The following PRKCE variants were observed in gnomAD, a reference collection of about 807,000 sequenced individuals.
PRKCE encodes the protein protein kinase C epsilon type.
Under a neutral mutation model 85.4 loss-of-function variants are expected in PRKCE, and 16 were observed. That is an observed-to-expected ratio of 0.19 (90% CI 0.13 to 0.28). PRKCE has a LOEUF of 0.28. Among genes scored for constraint, PRKCE ranks in the 10% least tolerant of loss-of-function variants. The pLI is 1.00. For synonymous variants in PRKCE, 388 were observed against 371.5 expected, an observed-to-expected ratio of 1.04 and a Z score of -0.51; for missense variants, 573 against 975.2, an observed-to-expected ratio of 0.59 and a Z score of 5.49.
At chr2:46,089,661 G>A (rs778099137) in intron 11 of PRKCE, among the ~76,000 whole-genome samples, 19 of 152,112 alleles carry the variant, frequency 1.2e-4, no homozygotes, top group Non-Finnish European at 1.8e-4. Context: ...GGCACAGGCC[G>A]CGGGTTGGGG....
At chr2:45,693,765 G>C (rs1042843421) in intron 1 of PRKCE, among the ~76,000 whole-genome samples, 2 of 152,134 alleles carry the variant, frequency 1.3e-5, no homozygotes, top group Admixed American at 1.3e-4. Context: ...GGTTTGGCAA[G>C]GAGAAGTGAG....
At position 46,159,773 on chromosome 2, in the gene PRKCE, G is replaced by A. The variant is rs1677572840; in HGVS notation, c.2067+21G>A. ...GCATTGTAAGTTGGTCCCCGTGCAC[G>A]TTCAGCACCATGGGTCGGGCCCAGG... On this transcript the variant is annotated intron_variant, in intron 14 of 14. Transcript: ENST00000306156. This position sits in a 1 kb window ranked among gnomAD's most constrained non-coding sequence, Gnocchi z 4.1. The A allele has an allele frequency of 1.9e-6, 3 of 1,598,148 alleles. No individual in the cohort carries two copies. Among genetic ancestry groups the A allele is most frequent in the Middle Eastern group, 1.7e-4 (1 of 6,052 alleles).
chr2:45,908,085 A>G (rs1374159528), intron 2 of PRKCE, among the ~76,000 whole-genome samples: 3 of 152,152 alleles, frequency 2.0e-5, no homozygotes, highest in African/African-American at 7.2e-5. Flanking sequence ...ATGGGCAGGA[A>G]TGGAAGTCAA....
At chr2:45,750,506 G>A (rs370088107) in intron 1 of PRKCE, among the ~76,000 whole-genome samples, 1 of 152,186 alleles carries the variant, frequency 6.6e-6, no homozygotes, top group African/African-American at 2.4e-5. Context: ...GTCCCAAGGT[G>A]GGTATTGGTT....
chr2:45,678,061 G>A (rs1321991545), intron 1 of PRKCE: 1 of 210,834 alleles, frequency 4.7e-6, no homozygotes, highest in African/African-American at 2.4e-5. Context: ...GGAAAACTTT[G>A]TGGTCACATG....
intron 11 of PRKCE, among the ~76,000 whole-genome samples, chr2:46,094,314 C>T (rs182623808): frequency 1.0e-3 from 159 of 152,272 alleles, no homozygotes; most frequent in African/African-American, 3.8e-3. Flanking sequence ...GGTGAAGCAC[C>T]TTTAGTAGAT....
At chr2:45,680,863 A>G (rs1454009543) in intron 1 of PRKCE, among the ~76,000 whole-genome samples, 1 of 152,242 alleles carries the variant, frequency 6.6e-6, no homozygotes, top group Non-Finnish European at 1.5e-5. Flanking sequence ...AAGTTCTTAT[A>G]CAGGATATTT....
chr2:45,746,759 T>G lies in PRKCE; in HGVS notation c.348+94311T>G, dbSNP rs568864359. Among the ~76,000 whole-genome samples, 4 of 152,340 alleles carry G rather than the reference T, an allele frequency of 2.6e-5. No individual in the cohort carries two copies. The East Asian group carries it at 7.7e-4, about 29-fold the overall frequency. ...TAGCATAATTTTACCCAGCTTTCAT[T>G]CAAGACTGCTTGACACATCCCTATC... On this transcript the variant is annotated intron_variant, in intron 1 of 14. Coordinates refer to ENST00000306156, the MANE Select transcript of PRKCE (RefSeq NM_005400.3).
intron 2 of PRKCE, among the ~76,000 whole-genome samples, chr2:45,888,207 C>G (rs1027909817): frequency 7.9e-5 from 12 of 152,194 alleles, no homozygotes; most frequent in Admixed American, 7.2e-4. Flanking sequence ...TCCTCTAGCT[C>G]CTGCTTAGCT....
intron 1 of PRKCE, among the ~76,000 whole-genome samples, chr2:45,716,584 A>G (rs1412930124): frequency 2.6e-5 from 4 of 150,984 alleles, no homozygotes; most frequent in Non-Finnish European, 4.4e-5. Flanking sequence ...AGAAAGGAAG[A>G]AAGGAAGGAA....
chr2:46,008,081 C>A (rs1705358588), intron 9 of PRKCE, among the ~76,000 whole-genome samples: 1 of 152,200 alleles, frequency 6.6e-6, no homozygotes, highest in African/African-American at 2.4e-5. Flanking sequence ...CTGCCCTCAG[C>A]AAACCTAGGG....
At chr2:45,777,713 A>G (rs1043072594) in intron 1 of PRKCE, among the ~76,000 whole-genome samples, 2 of 152,134 alleles carry the variant, frequency 1.3e-5, no homozygotes, top group African/African-American at 2.4e-5. Context: ...ACGGTTCGGG[A>G]AAGAGTCAGG....
intron 1 of PRKCE, among the ~76,000 whole-genome samples, chr2:45,831,769 G>T (rs1321877753): frequency 6.6e-6 from 1 of 152,166 alleles, no homozygotes; most frequent in Admixed American, 6.5e-5. Flanking sequence ...TGGTCCCTCT[G>T]AGGAGTTATG....
intron 2 of PRKCE, among the ~76,000 whole-genome samples, chr2:45,862,183 T>TACACACACACAC (rs6146747): frequency 9.0e-5 from 13 of 143,924 alleles, no homozygotes; most frequent in African/African-American, 3.1e-4. Flanking sequence ...TCTTCTTGTA[T>TACACACACACAC]ACACACACAC....
At chr2:46,167,005 A>T (rs1477648481) in intron 14 of PRKCE, 1 of 152,240 alleles carries the variant, frequency 6.6e-6, no homozygotes, top group African/African-American at 2.4e-5. Flanking sequence ...AGAATTATAA[A>T]CAGGAATAGA....
At chr2:46,015,845 C>T (rs975525136) in intron 10 of PRKCE, among the ~76,000 whole-genome samples, 1 of 152,186 alleles carries the variant, frequency 6.6e-6, no homozygotes, top group African/African-American at 2.4e-5. Context: ...ACCTGAGGCA[C>T]CACTACTACT....
intron 2 of PRKCE, among the ~76,000 whole-genome samples, chr2:45,942,328 G>A (rs576763017): frequency 6.6e-6 from 1 of 152,256 alleles, no homozygotes; most frequent in East Asian, 1.9e-4. Context: ...TTTACATGTG[G>A]GTTAGGAGAA....
At chr2:45,733,025 C>A (rs955822709) in intron 1 of PRKCE, among the ~76,000 whole-genome samples, 1 of 152,206 alleles carries the variant, frequency 6.6e-6, no homozygotes, top group African/African-American at 2.4e-5. Context: ...CATTGTAGTG[C>A]AAAAGCAGCC....
chr2:45,944,842 C>T (rs895830855), intron 2 of PRKCE, among the ~76,000 whole-genome samples: 3 of 152,012 alleles, frequency 2.0e-5, no homozygotes, highest in African/African-American at 7.3e-5. Flanking sequence ...CCTCAAGTGA[C>T]TTCACTTATA....
Sources: gnomAD v4.1 joint callset for allele counts (sites outside exome capture counted in the v4.1 genomes callset) on GRCh38, gnomAD v4.1.1 for gene constraint, Gnocchi (gnomAD v3.1) non-coding constraint, MANE v1.5 for transcripts, NCBI Gene and HGNC (gene_info 2026-07-23, HGNC 2026-07-21) for gene names.